The following SV2B variants were observed in gnomAD, a reference collection of about 807,000 sequenced individuals.
SV2B encodes the protein synaptic vesicle glycoprotein 2B, also known as solute carrier family 22 member B2.
SV2B carries 41 observed loss-of-function variants against 73.9 expected under a neutral mutation model. The observed-to-expected ratio is 0.56, with a 90% CI of 0.43 to 0.72. The LOEUF (loss-of-function observed/expected upper bound fraction) is 0.72, where lower values mean the gene tolerates loss of function less well. SV2B is among the 30% of genes least tolerant of loss of function. The pLI, the probability that SV2B is intolerant of heterozygous loss-of-function variation, is 0.00. For missense variants in SV2B, 764 were observed against 857.8 expected, an observed-to-expected ratio of 0.89 and a Z score of 1.37; for synonymous variants, 314 against 314.2, an observed-to-expected ratio of 1.00 and a Z score of 0.01.
chr15:91,185,808 C>A (rs2044747895), intron 1 of SV2B, among the ~76,000 whole-genome samples: 2 of 152,176 alleles, frequency 1.3e-5, no homozygotes, highest in Non-Finnish European at 2.9e-5. Context: ...GAACTTAAAG[C>A]ACAGGAGAGT....
intron 9 of SV2B, among the ~76,000 whole-genome samples, chr15:91,269,277 C>T (rs558096512): frequency 2.6e-5 from 4 of 152,266 alleles, no homozygotes; most frequent in African/African-American, 9.6e-5. Flanking sequence ...CTGAAACCCT[C>T]AAGATGGATC....
chr15:91,224,255 G>A lies in SV2B; in HGVS notation c.-391-1618G>A, dbSNP rs1400483178. Among the ~76,000 whole-genome samples the A allele has an allele frequency of 6.6e-6, 1 of 152,250 alleles. No homozygotes were observed. The highest frequency in any genetic ancestry group is 1.5e-5 in the Non-Finnish European group (1 of 68,046). On this transcript the variant is annotated intron_variant, in intron 1 of 12. Coordinates refer to ENST00000394232, the MANE Select transcript of SV2B (RefSeq NM_001323032.3). The surrounding 1 kb of genome is among the most constrained non-coding windows in gnomAD (Gnocchi z 4.9). ...CATGCTGAAAGGACAGTGGATTTCA[G>A]GTGTGACAGGGAGGCCTGTAAAGGT...
chr15:91,188,031 CATATT>C (rs1455931524), intron 1 of SV2B, among the ~76,000 whole-genome samples: 1 of 134,180 alleles, frequency 7.5e-6, no homozygotes, highest in African/African-American at 2.5e-5. Context: ...AAAAGCCAAA[CATATT>C]GTATTGACTA....
chr15:91,219,811 G>A (rs866313352), intron 1 of SV2B, among the ~76,000 whole-genome samples: 2 of 152,182 alleles, frequency 1.3e-5, no homozygotes, highest in Middle Eastern at 3.4e-3. Context: ...ACAGCTCTGG[G>A]CAACCACTAA....
rs1439849257 is a variant in SV2B, at chr15:91,265,743, G to A, written c.1009-839G>A. Reference sequence around the variant, plus strand: ...ATTTGCAAAGGCTGCATAGCTGGGAGTGGCCAGATGAGTCCAGGAGGCTCA... The same window carrying A: ...ATTTGCAAAGGCTGCATAGCTGGGAATGGCCAGATGAGTCCAGGAGGCTCA... On this transcript the variant is annotated intron_variant, in intron 6 of 12. Coordinates refer to ENST00000394232, the MANE Select transcript of SV2B (RefSeq NM_001323032.3). The surrounding 1 kb of genome is among the most constrained non-coding windows in gnomAD (Gnocchi z 4.2). Among the ~76,000 whole-genome samples, 5 of 152,356 alleles carry A rather than the reference G, an allele frequency of 3.3e-5. No homozygotes were observed. The highest frequency in any genetic ancestry group is 2.0e-4 in the Admixed American group (3 of 15,312).
intron 1 of SV2B, among the ~76,000 whole-genome samples, chr15:91,108,239 C>T (rs1012413724): frequency 6.6e-6 from 1 of 152,060 alleles, no homozygotes; most frequent in Non-Finnish European, 1.5e-5. Context: ...GACAAAGGGA[C>T]AATAATAAAA....
At position 91,268,160 on chromosome 15, in the gene SV2B, T is replaced by C. The variant is rs1316513778; in HGVS notation, c.1209-281T>C. Among the ~76,000 whole-genome samples, 1 of 152,230 alleles carries C rather than the reference T, an allele frequency of 6.6e-6. No homozygotes were observed. The highest frequency in any genetic ancestry group is 1.5e-5 in the Non-Finnish European group (1 of 68,050). On this transcript the variant is annotated intron_variant, in intron 8 of 12. Transcript: ENST00000394232. The surrounding 1 kb of genome is among the most constrained non-coding windows in gnomAD (Gnocchi z 4.4). ...TAAGATTCTGGCTGAGACATGTATA[T>C]TTTACATGTTAAGGAGGTGTCCCTC...
At chr15:91,135,460 C>A (rs2042792393) in intron 1 of SV2B, among the ~76,000 whole-genome samples, 1 of 152,154 alleles carries the variant, frequency 6.6e-6, no homozygotes. Flanking sequence ...AACAGAGGTA[C>A]TTTTTGTTGA....
At chr15:91,183,593 A>G (rs149763452) in intron 1 of SV2B, among the ~76,000 whole-genome samples, 61 of 152,346 alleles carry the variant, frequency 4.0e-4, no homozygotes, top group African/African-American at 1.4e-3. Context: ...TTTCTTGTTT[A>G]TAAGATGTCA....
chr15:91,276,441 A>G (rs1440991804), intron 9 of SV2B, among the ~76,000 whole-genome samples: 1 of 151,574 alleles, frequency 6.6e-6, no homozygotes, highest in African/African-American at 2.4e-5. Flanking sequence ...TTCCAATTGC[A>G]CCTATGTTAG....
At chr15:91,221,677 A>C (rs1188787862) in intron 1 of SV2B, among the ~76,000 whole-genome samples, 1 of 117,068 alleles carries the variant, frequency 8.5e-6, no homozygotes, top group African/African-American at 4.2e-5. Flanking sequence ...CCTGTGGACT[A>C]TTACCAAGCA....
intron 1 of SV2B, among the ~76,000 whole-genome samples, chr15:91,199,616 T>C (rs926223073): frequency 7.9e-5 from 12 of 152,158 alleles, no homozygotes; most frequent in African/African-American, 2.9e-4. Flanking sequence ...CTCCTTTGCA[T>C]TTGTTCCCAG....
intron 1 of SV2B, among the ~76,000 whole-genome samples, chr15:91,201,984 G>T (rs1391509811): frequency 3.9e-5 from 6 of 152,286 alleles, no homozygotes; most frequent in Non-Finnish European, 2.9e-5. Flanking sequence ...CCTCTGTTCA[G>T]TATCTTTCAC....
chr15:91,298,346 C>T lies in SV2B; in HGVS notation c.*5794C>T, dbSNP rs2049323678. 3 of 152,146 alleles carry T rather than the reference C, an allele frequency of 2.0e-5. No individual in the cohort carries two copies. The highest frequency in any genetic ancestry group is 2.9e-5 in the Non-Finnish European group (2 of 68,038). 9.4% of individuals were successfully genotyped at this position (152,146 alleles called of 1,614,324 possible). The stretch of plus-strand genomic sequence containing the variant: ...CGCATTTAGGCCCAGCTCTAAGAAC[C>T]GTTTGGAAATAAATCACATAGAGCC... On this transcript the variant is annotated 3_prime_UTR_variant, in exon 13 of 13. Transcript: ENST00000394232. This position sits in a 1 kb window ranked among gnomAD's most constrained non-coding sequence, Gnocchi z 5.4.
chr15:91,159,952 GAAATA>G (rs2043651277), intron 1 of SV2B, among the ~76,000 whole-genome samples: 1 of 151,850 alleles, frequency 6.6e-6, no homozygotes, highest in Non-Finnish European at 1.5e-5. Context: ...AATGATTTAG[GAAATA>G]AAATGAAATA....
intron 1 of SV2B, among the ~76,000 whole-genome samples, chr15:91,144,639 G>T (rs947287981): frequency 1.3e-5 from 2 of 152,186 alleles, no homozygotes; most frequent in African/African-American, 4.8e-5. Context: ...TTTGTGGCCA[G>T]CTCAGAGGCA....
At position 91,299,316 on chromosome 15, in the gene SV2B, G is replaced by A. The variant is rs1250665820; in HGVS notation, c.*6764G>A. On this transcript the variant is annotated 3_prime_UTR_variant, in exon 13 of 13. Transcript: ENST00000394232. ...TATTAAAACATTCCTCCAAAAGAAC[G>A]GCAAAGCAAATCCCATAGACACCCA... 1.3e-5 allele frequency: 2 copies of A among 151,950 alleles called. No homozygotes were observed. The highest frequency in any genetic ancestry group is 2.4e-5 in the African/African-American group (1 of 41,356). The allele number at this position is 151,950 out of a possible 1,614,324, so 9.4% of individuals were successfully genotyped here.
chr15:91,213,870 A>G (rs1370861300), intron 1 of SV2B, among the ~76,000 whole-genome samples: 3 of 152,204 alleles, frequency 2.0e-5, no homozygotes, highest in Non-Finnish European at 4.4e-5. Context: ...AGGATAATTA[A>G]CAAGTTAGCA....
intron 1 of SV2B, among the ~76,000 whole-genome samples, chr15:91,191,593 G>A (rs182407735): frequency 1.3e-5 from 2 of 152,240 alleles, no homozygotes; most frequent in Non-Finnish European, 2.9e-5. Flanking sequence ...CGCTGCTTTT[G>A]GAGTTGAACT....
Sources: gnomAD v4.1 joint callset for allele counts (sites outside exome capture counted in the v4.1 genomes callset) on GRCh38, gnomAD v4.1.1 for gene constraint, Gnocchi (gnomAD v3.1) non-coding constraint, MANE v1.5 for transcripts, NCBI Gene and HGNC (gene_info 2026-07-23, HGNC 2026-07-21) for gene names.